The following ALS2CL variants were observed in gnomAD, a reference collection of about 807,000 sequenced individuals.
The protein encoded by ALS2CL is ALS2 C-terminal like, also known as ALS2 C-terminal-like protein.
A neutral mutation model predicts 127.9 loss-of-function variants in ALS2CL; 112 were observed. The observed-to-expected ratio is 0.88, with a 90% confidence interval of 0.75 to 1.02. The LOEUF is 1.02. Ranked by LOEUF, ALS2CL falls within the 50% of genes least tolerant of loss-of-function variation. The pLI is 0.00. For synonymous variants in ALS2CL, 519 were observed against 527.6 expected (o/e 0.98, Z 0.22); for missense variants, 1,174 against 1,236.7 (o/e 0.95, Z 0.76).
At chr3:46,678,000 CAA>C (rs527464518) in intron 16 of ALS2CL, among the ~76,000 whole-genome samples, 4 of 129,754 alleles carry the variant, frequency 3.1e-5, no homozygotes, top group Admixed American at 1.5e-4. Flanking sequence ...CCTTTCGAGA[CAA>C]AAAAAAAAAA....
In ALS2CL at chr3:46,683,341, A is replaced by G. The variant is rs1209450053; in HGVS notation, c.913-15T>C. On this transcript the variant is annotated splice_polypyrimidine_tract_variant and intron_variant, in intron 9 of 25. Coordinates refer to ENST00000318962, the MANE Select transcript of ALS2CL (RefSeq NM_147129.5). ...TGCCAGACTGCCTGGTGGGAGGGGG[A>G]ACATGGGGAAGGGGATCACTGCTGC... 7.6e-6 allele frequency: 12 copies of G among 1,568,912 alleles called. No homozygotes were observed. The highest frequency in any genetic ancestry group is 1.0e-5 in the Non-Finnish European group (12 of 1,156,526).
At position 46,671,003 on chromosome 3, in the gene ALS2CL, T is replaced by C. The variant is rs774761469; in HGVS notation, c.2843A>G (p.His948Arg). ...MRLHRLPGHW[H>R]SRELW ...GCCAGGCTACCAGAGCTCCCTGGAG[T>C]GCCAGTGGCCAGGTAAGCGGTGCAG... is the stretch of plus-strand genomic sequence containing the variant. Residue 948 changes from histidine (H) to arginine (R), a missense_variant, in exon 26 of 26, where the codon CAC (histidine) becomes CGC (arginine). Physicochemically the swap from His to Arg is conservative, Grantham distance 29. Coordinates refer to ENST00000318962, the MANE Select transcript of ALS2CL (RefSeq NM_147129.5). 2 of 1,614,018 alleles carry C rather than the reference T, an allele frequency of 1.2e-6. No homozygotes were observed. Among genetic ancestry groups the C allele is most frequent in the African/African-American group, 2.7e-5 (2 of 74,932 alleles).
intron 21 of ALS2CL, among the ~76,000 whole-genome samples, chr3:46,673,630 G>T (rs1481297690): frequency 2.0e-5 from 3 of 152,142 alleles, no homozygotes; most frequent in African/African-American, 7.2e-5. Flanking sequence ...AGAGAGGGAG[G>T]GGTGAGGAGA....
intron 20 of ALS2CL, chr3:46,675,400 CATTCA>C: frequency 1.8e-6 from 1 of 555,128 alleles, no homozygotes. Context: ...AACAAAGATG[CATTCA>C]ATGCATTGTA....
Position 46,681,205 on chromosome 3 carries a change from C to CCA in ALS2CL, c.1436+39_1436+40dup, listed in dbSNP as rs753536605. 6.2e-7 allele frequency: 1 copy of CCA among 1,613,294 alleles called. No individual in the cohort carries two copies. The highest frequency in any genetic ancestry group is 8.5e-7 in the Non-Finnish European group (1 of 1,179,694). ...ACAATCTGGTCTGTGAGGGCCCGGT[C>CCA]CACCCCTCCGTCCTGGGAGTGGTGG... On this transcript the variant is annotated intron_variant, in intron 13 of 25. Coordinates refer to ENST00000318962, the MANE Select transcript of ALS2CL (RefSeq NM_147129.5). The surrounding 1 kb of genome is among the most constrained non-coding windows in gnomAD (Gnocchi z 4.9).
rs775089204 is a variant in ALS2CL, at chr3:46,685,631, G to T, written c.680C>A (p.Thr227Asn). ...LRGRLRDVLCTPAHRLLQDSQ... is the reference protein window; with the variant it reads ...LRGRLRDVLCNPAHRLLQDSQ... ...GTCCTGAAGGAGTCTGTGAGCAGGG[G>T]TGCAGAGCACATCCTGGTGGGGCAA... The change falls in exon 7 of 26, where the codon ACC becomes AAC. Residue 227 changes from threonine (T) to asparagine (N), a missense_variant. Physicochemically the swap from Thr to Asn is moderately conservative, Grantham distance 65. Transcript: ENST00000318962. 3.7e-6 allele frequency: 6 copies of T among 1,613,696 alleles called. No homozygotes were observed. Among genetic ancestry groups the T allele is most frequent in the Non-Finnish European group, 3.4e-6 (4 of 1,179,876 alleles).
At chr3:46,671,461 C>T in intron 25 of ALS2CL, 27 bp downstream of exon 25, 3 of 1,613,506 alleles carry the variant, frequency 1.9e-6, no homozygotes, top group East Asian at 2.2e-5. Context: ...GGCATTTCCA[C>T]CTCGGTCCAC....
At chr3:46,678,551 T>C (rs1185339674) in intron 15 of ALS2CL, among the ~76,000 whole-genome samples, 162 bp from the exon 16 acceptor site, 1 of 152,140 alleles carries the variant, frequency 6.6e-6, no homozygotes, top group Non-Finnish European at 1.5e-5. Flanking sequence ...GGGTTCATAA[T>C]CCTCTATGCC....
chr3:46,679,286 C>A lies in ALS2CL; in HGVS notation c.1550G>T (p.Gly517Val). Residue 517 changes from glycine (G) to valine (V), a missense_variant and splice_region_variant, in exon 15 of 26, where the codon GGC becomes GTC. Transcript: ENST00000318962. ...GTCTTCAGAGAGGAGGATGCCCGGG[C>A]CCTTGGGGAGAGGAAGCCAGGGAGG... ...QGTFQADKTVGPGILLSEDDS... is the reference protein window; with the variant it reads ...QGTFQADKTVVPGILLSEDDS... The A allele has an allele frequency of 1.3e-6, 2 of 1,585,538 alleles. No homozygotes were observed. The highest frequency in any genetic ancestry group is 1.8e-5 in the Admixed American group (1 of 56,046).
Position 46,687,042 on chromosome 3 carries a change from C to T in ALS2CL, c.475G>A (p.Ala159Thr), listed in dbSNP as rs763639281. Reference protein sequence around the residue: ...SLGQALHQPLAHHVQQYVLLL... With the variant: ...SLGQALHQPLTHHVQQYVLLL... ...AGCACGTACTGTTGCACGTGATGGG[C>T]GAGTGGCTGGTGGAGGGCCTGGCCC... The change falls in exon 5 of 26, where the codon GCC (alanine) becomes ACC (threonine). Residue 159 changes from alanine (A) to threonine (T), a missense_variant. Transcript: ENST00000318962. 2.0e-5 allele frequency: 32 copies of T among 1,605,146 alleles called. No individual in the cohort carries two copies. Among genetic ancestry groups the T allele is most frequent in the Non-Finnish European group, 2.4e-5 (28 of 1,179,218 alleles).
chr3:46,681,646 C>T lies in ALS2CL; in HGVS notation c.1176-48G>A, dbSNP rs368613929. On this transcript the variant is annotated intron_variant, in intron 11 of 25. Transcript: ENST00000318962. This position sits in a 1 kb window ranked among gnomAD's most constrained non-coding sequence, Gnocchi z 4.9. ...GGGGATCAGCCCTGACCTGAGACGC[C>T]CATTACACCTACTCCATGCCACCCA... 19 of 1,579,922 alleles carry T rather than the reference C, an allele frequency of 1.2e-5. No homozygotes were observed. The highest frequency in any genetic ancestry group is 1.6e-5 in the Non-Finnish European group (18 of 1,150,850).
At position 46,691,339 on chromosome 3, in the gene ALS2CL, A is replaced by G. The variant is rs555714931; in HGVS notation, c.-25-1874T>C. 2.0e-5 allele frequency among the ~76,000 whole-genome samples: 3 copies of G among 152,276 alleles called. No individual in the cohort carries two copies. The East Asian group carries it at 5.8e-4, about 29-fold the overall frequency. On this transcript the variant is annotated intron_variant, in intron 1 of 25. Transcript: ENST00000318962. ...GTAGAAGAAAGGGTGAGGCTAGGATAGGAGATGCAGACTAGGAACCAGATC... is the reference window on the plus strand; with the variant it reads ...GTAGAAGAAAGGGTGAGGCTAGGATGGGAGATGCAGACTAGGAACCAGATC...
intron 1 of ALS2CL, 128 bp from the exon 2 acceptor site, chr3:46,689,593 T>C: frequency 1.6e-6 from 1 of 624,302 alleles, no homozygotes; most frequent in South Asian, 2.0e-5. Flanking sequence ...TGAGCCCAGA[T>C]CGCCTCAAAG....
intron 1 of ALS2CL, among the ~76,000 whole-genome samples, chr3:46,692,682 G>C (rs902689303): frequency 6.6e-5 from 10 of 152,214 alleles, no homozygotes; most frequent in Non-Finnish European, 1.5e-4. Flanking sequence ...TGCTCACCAC[G>C]GGGTGCGGTG....
In ALS2CL at chr3:46,681,398, G is replaced by A. The variant is rs201259046; in HGVS notation, c.1284C>T (p.Thr428=). 4.5e-5 allele frequency: 72 copies of A among 1,604,858 alleles called. No individual in the cohort carries two copies. Among genetic ancestry groups the A allele is most frequent in the Middle Eastern group, 1.7e-4 (1 of 6,050 alleles). Residue 428 remains threonine, a synonymous_variant, in exon 13 of 26, where the codon ACC becomes ACT. Transcript: ENST00000318962. This position sits in a 1 kb window ranked among gnomAD's most constrained non-coding sequence, Gnocchi z 4.9. Reference sequence around the variant, plus strand: ...GGAAGTAGCCCTTGTACACCTCGTCGGTGCTGTACCTGGGGAGGGCCATCA... The same window carrying A: ...GGAAGTAGCCCTTGTACACCTCGTCAGTGCTGTACCTGGGGAGGGCCATCA... ...MCGYGICEYS[T]DEVYKGYFQE... is the part of the protein sequence containing the mutation.
chr3:46,679,120 C>A, intron 15 of ALS2CL, 90 bp downstream of exon 15: 1 of 1,363,450 alleles, frequency 7.3e-7, no homozygotes, highest in Admixed American at 2.3e-5. Context: ...CCCTCCCCTA[C>A]CTGCCCCCAG....
Position 46,682,102 on chromosome 3 carries a change from A to C in ALS2CL, c.1110-8T>G. 3 of 1,613,684 alleles carry C rather than the reference A, an allele frequency of 1.9e-6. No individual in the cohort carries two copies. Among genetic ancestry groups the C allele is most frequent in the Non-Finnish European group, 2.5e-6 (3 of 1,179,870 alleles). ...GGCCATTTCAGGGTTCCCCTGGAAC[A>C]CAGTGGAGGTTCACGAGCCTCAGGC... On this transcript the variant is annotated splice_region_variant and splice_polypyrimidine_tract_variant and intron_variant, in intron 10 of 25. Coordinates refer to ENST00000318962, the MANE Select transcript of ALS2CL (RefSeq NM_147129.5).
At chr3:46,676,143 C>G in intron 19 of ALS2CL, 102 bp downstream of exon 19, 5 of 1,502,768 alleles carry the variant, frequency 3.3e-6, no homozygotes, top group Non-Finnish European at 4.5e-6. Context: ...ATTGTTGAAT[C>G]AGACACTTGG....
At position 46,683,846 on chromosome 3, in the gene ALS2CL, C is replaced by G. The variant is rs1699560489; in HGVS notation, c.848G>C (p.Cys283Ser). Reference sequence around the variant, plus strand: ...TTCGGGCGTGAGGAGGTGAAACGTGCACCTAGACAGACGGAGGTGATGAGT... The same window carrying G: ...TTCGGGCGTGAGGAGGTGAAACGTGGACCTAGACAGACGGAGGTGATGAGT... ...LVWVDPGQDG[C>S]TFHLLTPEEE... The change falls in exon 9 of 26, where the codon TGC becomes TCC. Residue 283 changes from cysteine to serine, a missense_variant and splice_region_variant. Coordinates refer to ENST00000318962, the MANE Select transcript of ALS2CL (RefSeq NM_147129.5). 2 of 1,614,064 alleles carry G rather than the reference C, an allele frequency of 1.2e-6. No homozygotes were observed. The highest frequency in any genetic ancestry group is 8.5e-7 in the Non-Finnish European group (1 of 1,180,036).
Sources: allele counts gnomAD v4.1 joint callset (sites outside exome capture counted in the v4.1 genomes callset), GRCh38; gene constraint gnomAD v4.1.1; non-coding constraint Gnocchi (gnomAD v3.1); transcripts MANE v1.5; gene names NCBI Gene and HGNC (gene_info 2026-07-23, HGNC 2026-07-21).